PTPRT: variants seen among roughly 807,000 people sequenced by gnomAD.
The protein encoded by PTPRT is receptor-type tyrosine-protein phosphatase T.
In PTPRT, 56 loss-of-function variants were observed where a neutral mutation model predicts 176.8. The ratio of observed to expected loss-of-function variants is 0.32; its 90% CI spans 0.26 to 0.40. The LOEUF is 0.40. Among genes scored for constraint, PTPRT ranks in the 10% least tolerant of loss-of-function variants. The probability of loss-of-function intolerance (pLI) is 1.00; values close to 1 mark genes in which losing one functional copy is unlikely to be tolerated. For missense variants in PTPRT, 1,540 were observed against 1,908.2 expected (o/e 0.81, Z 3.60); for synonymous variants, 783 against 739.0 (o/e 1.06, Z -0.96).
intron 23 of PTPRT, among the ~76,000 whole-genome samples, chr20:42,109,435 G>T (rs1428505311): frequency 1.3e-5 from 2 of 152,166 alleles, no homozygotes; most frequent in Non-Finnish European, 2.9e-5. Context: ...AGGATTCAAA[G>T]ACATGCCACT....
At chr20:42,498,912 T>C (rs960824551) in intron 7 of PTPRT, among the ~76,000 whole-genome samples, 1 of 152,182 alleles carries the variant, frequency 6.6e-6, no homozygotes, top group East Asian at 1.9e-4. Context: ...TTGATTTATG[T>C]CTTTGCCTGT....
chr20:43,026,683 T>C (rs1483210408), intron 1 of PTPRT, among the ~76,000 whole-genome samples: 2 of 152,204 alleles, frequency 1.3e-5, no homozygotes, highest in Admixed American at 6.5e-5. Flanking sequence ...ATAGTAGGTC[T>C]TATTCATTCT....
intron 12 of PTPRT, among the ~76,000 whole-genome samples, chr20:42,302,248 T>C (rs6102763): frequency 0.069 from 10,446 of 152,238 alleles, 433 homozygotes; most frequent in African/African-American, 0.093. Context: ...CAAGACAATT[T>C]TTTTTTCTTT....
At chr20:42,263,821 G>A (rs1028010671) in intron 13 of PTPRT, among the ~76,000 whole-genome samples, 1 of 151,862 alleles carries the variant, frequency 6.6e-6, no homozygotes, top group Non-Finnish European at 1.5e-5. Flanking sequence ...CACCATACCT[G>A]GCCTGAATCA....
At chr20:43,001,218 T>C (rs1984535406) in intron 1 of PTPRT, among the ~76,000 whole-genome samples, 1 of 152,172 alleles carries the variant, frequency 6.6e-6, no homozygotes, top group Non-Finnish European at 1.5e-5. Context: ...AATGCACTAT[T>C]GCTGAACTGA....
At chr20:42,286,179 G>A (rs936028387) in intron 12 of PTPRT, among the ~76,000 whole-genome samples, 11 of 152,000 alleles carry the variant, frequency 7.2e-5, no homozygotes, top group African/African-American at 2.6e-4. Context: ...TAGATTGAAT[G>A]TAATCTCTAT....
the PTPRT span, among the ~76,000 whole-genome samples, chr20:42,058,974 C>T: frequency 6.6e-6 from 1 of 152,182 alleles, no homozygotes; most frequent in South Asian, 2.1e-4. Flanking sequence ...ACACTAGAAT[C>T]ACCTGGGGAG....
intron 2 of PTPRT, among the ~76,000 whole-genome samples, chr20:42,859,392 T>C (rs1261554190): frequency 6.6e-6 from 1 of 152,166 alleles, no homozygotes; most frequent in Non-Finnish European, 1.5e-5. Context: ...TCCCTAAATA[T>C]TGTACCAACT....
chr20:42,098,280 G>T, intron 27 of PTPRT, 141 bp downstream of exon 27: 1 of 1,181,820 alleles, frequency 8.5e-7, no homozygotes. Flanking sequence ...TGGCTTGTCT[G>T]ATGCTCGTGG....
At chr20:42,503,750 T>C (rs6016813) in intron 7 of PTPRT, among the ~76,000 whole-genome samples, 25,388 of 152,082 alleles carry the variant, frequency 0.17, 4,948 homozygotes, top group African/African-American at 0.48. Context: ...GTCTGTCAAT[T>C]ACAGAGATGT....
At chr20:42,797,039 C>G (rs906341213) in intron 2 of PTPRT, among the ~76,000 whole-genome samples, 1 of 152,176 alleles carries the variant, frequency 6.6e-6, no homozygotes, top group Non-Finnish European at 1.5e-5. Context: ...AAAACAGCTT[C>G]TTTTCTATCT....
chr20:43,144,029 A>G (rs539791791), intron 1 of PTPRT, among the ~76,000 whole-genome samples: 33 of 152,356 alleles, frequency 2.2e-4, no homozygotes, highest in African/African-American at 7.0e-4. Context: ...CCACAGCTAC[A>G]TAGAGCAAGG....
intron 13 of PTPRT, among the ~76,000 whole-genome samples, chr20:42,277,361 G>A (rs949635364): frequency 7.2e-5 from 11 of 152,260 alleles, no homozygotes; most frequent in South Asian, 4.2e-4. Context: ...ACTGCCACTC[G>A]GGCGCACCCA....
At chr20:43,099,725 G>C (rs1375891234) in intron 1 of PTPRT, among the ~76,000 whole-genome samples, 3 of 152,120 alleles carry the variant, frequency 2.0e-5, no homozygotes, top group Non-Finnish European at 4.4e-5. Context: ...CAGTCTTTCA[G>C]GCCCATCTTT....
intron 1 of PTPRT, among the ~76,000 whole-genome samples, chr20:43,029,882 C>T (rs1986069444): frequency 6.6e-6 from 1 of 152,232 alleles, no homozygotes; most frequent in Admixed American, 6.5e-5. Context: ...CTCTGTTCCA[C>T]AGACCACCTA....
In PTPRT at chr20:42,334,601, T is replaced by C. The variant is rs573230969; in HGVS notation, c.1865+16027A>G. Among the ~76,000 whole-genome samples, 7 of 152,340 alleles carry C rather than the reference T, an allele frequency of 4.6e-5. No homozygotes were observed. In the East Asian group the frequency reaches 1.3e-3, roughly 29 times the overall value. On this transcript the variant is annotated intron_variant, in intron 11 of 30. Transcript: ENST00000373187. ...TGGTTGAACTGGTAGGATTCTACAA[T>C]TCCAGTAGCATTTTTAATTGATTCA...
At chr20:42,184,794 A>AT (rs113419816) in intron 16 of PTPRT, among the ~76,000 whole-genome samples, 93,771 of 139,590 alleles carry the variant, frequency 0.67, 31,673 homozygotes, top group African/African-American at 0.75. Flanking sequence ...CACCCGGCTA[A>AT]TTTTTTTTTT....
chr20:42,243,230 T>C (rs6030082), intron 14 of PTPRT, among the ~76,000 whole-genome samples: 77,912 of 151,736 alleles, frequency 0.51, 20,737 homozygotes, highest in Non-Finnish European at 0.58. Flanking sequence ...GGTTGGGGAG[T>C]AGGTAATGAT....
chr20:42,964,899 T>C (rs1410388502), intron 1 of PTPRT, among the ~76,000 whole-genome samples: 3 of 152,222 alleles, frequency 2.0e-5, no homozygotes, highest in African/African-American at 4.8e-5. Context: ...AAATCATATA[T>C]CAATAGATGC....
Sources: gnomAD v4.1 joint callset for allele counts (sites outside exome capture counted in the v4.1 genomes callset) on GRCh38, gnomAD v4.1.1 for gene constraint, MANE v1.5 for transcripts, NCBI Gene and HGNC (gene_info 2026-07-23, HGNC 2026-07-21) for gene names.